KNDC1: variants seen among roughly 807,000 people sequenced by gnomAD.
KNDC1 encodes kinase non-catalytic C-lobe domain containing 1.
KNDC1 carries 106 observed loss-of-function variants against 172.8 expected under a neutral mutation model. That is an observed-to-expected ratio of 0.61 (90% CI 0.52 to 0.72). The LOEUF is 0.72. Ranked by LOEUF, KNDC1 falls within the 30% of genes least tolerant of loss-of-function variation. The pLI, the probability that KNDC1 is intolerant of heterozygous loss-of-function variation, is 0.00. For missense variants in KNDC1, 2,325 were observed against 2,394.5 expected, an observed-to-expected ratio of 0.97 and a Z score of 0.61; for synonymous variants, 1,083 against 1,062.2, an observed-to-expected ratio of 1.02 and a Z score of -0.38.
At chr10:133,190,278 A>G (rs28530606) in intron 9 of KNDC1, among the ~76,000 whole-genome samples, 4 of 135,768 alleles carry the variant, frequency 2.9e-5, no homozygotes, top group African/African-American at 1.5e-4. Flanking sequence ...ACACCCTGCA[A>G]TAAGCACCCT....
intron 3 of KNDC1, chr10:133,179,447 TC>T (rs1853652354): frequency 6.6e-6 from 1 of 152,110 alleles, no homozygotes; most frequent in Non-Finnish European, 1.5e-5. Flanking sequence ...ACGAAGAGCC[TC>T]CCAGGGCTGA....
intron 3 of KNDC1, among the ~76,000 whole-genome samples, chr10:133,175,743 G>T (rs547348515): frequency 6.6e-6 from 1 of 151,330 alleles, no homozygotes; most frequent in Non-Finnish European, 1.5e-5. Flanking sequence ...TGAATGGACG[G>T]ATGAGTGTAT....
At chr10:133,188,125 G>C (rs149589019) in intron 6 of KNDC1, among the ~76,000 whole-genome samples, 1 of 152,142 alleles carries the variant, frequency 6.6e-6, no homozygotes. Context: ...CCCTGCGTCC[G>C]TCCGTGGATG....
chr10:133,164,530 T>C (rs1362594229), intron 1 of KNDC1, among the ~76,000 whole-genome samples: 1 of 152,122 alleles, frequency 6.6e-6, no homozygotes, highest in African/African-American at 2.4e-5. Context: ...GAGGCCGGCG[T>C]TGCTATTCAC....
chr10:133,200,688 G>A (rs924699417), intron 16 of KNDC1, among the ~76,000 whole-genome samples: 1 of 152,216 alleles, frequency 6.6e-6, no homozygotes, highest in African/African-American at 2.4e-5. Flanking sequence ...TCTCCTGGGG[G>A]TGCCCAGCCA....
At chr10:133,182,462 C>T (rs1292288367) in intron 3 of KNDC1, among the ~76,000 whole-genome samples, 1 of 145,358 alleles carries the variant, frequency 6.9e-6, no homozygotes, top group Non-Finnish European at 1.5e-5. Context: ...TGGCTCCACA[C>T]ATGAGCTGTG....
At position 133,195,691 on chromosome 10, in the gene KNDC1, T is replaced by C; in HGVS notation, c.1604T>C (p.Leu535Pro). The C allele has an allele frequency of 6.2e-7, 1 of 1,612,432 alleles. No homozygotes were observed. ...KASVYCVAAV[L>P]WTAAKFSVPR... ...TCTGTGTACTGTGTGGCCGCCGTTC[T>C]GTGGACCGCAGCCAAGTTCAGCGTC... Residue 535 changes from leucine to proline, a missense_variant, in exon 10 of 30, where the codon CTG becomes CCG. Leu to Pro is a moderately conservative substitution (Grantham distance 98). Transcript: ENST00000304613.
intron 17 of KNDC1, chr10:133,202,854 C>G: frequency 5.9e-6 from 2 of 341,548 alleles, no homozygotes; most frequent in South Asian, 4.3e-5. Context: ...TCGGACACCC[C>G]ACACAGGGCC....
intron 25 of KNDC1, 94 bp from the exon 26 acceptor site, chr10:133,213,878 C>G: frequency 6.5e-7 from 1 of 1,540,788 alleles, no homozygotes; most frequent in Non-Finnish European, 8.9e-7. Context: ...GGCCTCGTGG[C>G]CCGACCCCAG....
chr10:133,220,020 G>A lies in KNDC1; in HGVS notation c.4926G>A (p.Leu1642=). The change falls in exon 29 of 30, where the codon CTG becomes CTA. Residue 1642 remains leucine (L), a synonymous_variant. Coordinates refer to ENST00000304613, the MANE Select transcript of KNDC1 (RefSeq NM_152643.8). ...GGCGCTTCCGGGCGCAGCCCACCCT[G>A]CCCTCGGCCCACCTCCTGGCCATGC... ...EGRRFRAQPT[L]PSAHLLAMHI... 3.2e-6 allele frequency: 5 copies of A among 1,554,830 alleles called. No individual in the cohort carries two copies. The highest frequency in any genetic ancestry group is 4.4e-6 in the Non-Finnish European group (5 of 1,149,086).
At chr10:133,195,365 G>A (rs1163544639) in intron 9 of KNDC1, among the ~76,000 whole-genome samples, 1 of 152,232 alleles carries the variant, frequency 6.6e-6, no homozygotes, top group Non-Finnish European at 1.5e-5. Flanking sequence ...TCGAGCTGCT[G>A]CCTTCGTGAG....
rs762570197 is a variant in KNDC1 at position 133,211,761 on chromosome 10, G to A, written c.4139G>A (p.Arg1380His). Residue 1380 changes from arginine (R) to histidine (H), a missense_variant, in exon 23 of 30, where the codon CGC becomes CAC. Transcript: ENST00000304613. ...GMDRRAEGNP[R>H]GTDLENPREA... ...GACCGGCGGGCCGAGGGCAACCCTC[G>A]CGGCACAGACCTGGAGAACCCCAGG... 23 of 1,610,378 alleles carry A rather than the reference G, an allele frequency of 1.4e-5. No homozygotes were observed. Among genetic ancestry groups the A allele is most frequent in the East Asian group, 4.5e-5 (2 of 44,874 alleles).
At chr10:133,222,226 T>C (rs113473108) in intron 29 of KNDC1, among the ~76,000 whole-genome samples, 1,849 of 143,472 alleles carry the variant, frequency 0.013, 51 homozygotes, top group African/African-American at 0.045. Context: ...GAGCTTCCAG[T>C]GAGCCGAGAT....
chr10:133,218,968 G>A lies in KNDC1; in HGVS notation c.4800+15G>A. On this transcript the variant is annotated intron_variant, in intron 27 of 29. Transcript: ENST00000304613. ...GGCAGTCCCCTGTGCGTCCCCCTCG[G>A]GCCCCAAGGCGGGGGTGGGTACCCG... is the stretch of plus-strand genomic sequence containing the variant. 1 of 1,613,710 alleles carries A rather than the reference G, an allele frequency of 6.2e-7. No individual in the cohort carries two copies. Among genetic ancestry groups the A allele is most frequent in the Non-Finnish European group, 8.5e-7 (1 of 1,179,872 alleles).
Position 133,224,898 on chromosome 10 carries a change from C to T in KNDC1, c.*8C>T, listed in dbSNP as rs1845690096. 5.6e-6 allele frequency: 9 copies of T among 1,604,188 alleles called. No individual in the cohort carries two copies. The East Asian group carries it at 1.8e-4, about 32-fold the overall frequency. On this transcript the variant is annotated 3_prime_UTR_variant, in exon 30 of 30. Coordinates refer to ENST00000304613, the MANE Select transcript of KNDC1 (RefSeq NM_152643.8). This position sits in a 1 kb window ranked among gnomAD's most constrained non-coding sequence, Gnocchi z 5.4. ...AAGGCTACATTCCAGTAGCCGAGCT[C>T]GGGCCTGGTGTGGAATTCCAGATCC... is the stretch of plus-strand genomic sequence containing the variant.
chr10:133,212,082 ACAATCCACACGTGCACATGCGTGCACACT>A (rs1348455893), intron 23 of KNDC1, among the ~76,000 whole-genome samples: 4 of 151,688 alleles, frequency 2.6e-5, no homozygotes, highest in Admixed American at 1.3e-4. Context: ...GCACCTTCAC[ACAATCCACACGTGCACATGCGTGCACACT>A]CAATCCACAC....
chr10:133,186,695 T>G, intron 6 of KNDC1, 21 bp downstream of exon 6: 2 of 1,545,928 alleles, frequency 1.3e-6, no homozygotes, highest in Non-Finnish European at 1.7e-6. Flanking sequence ...GGGTCTTGTG[T>G]GTGGGTGGAG....
chr10:133,218,849 T>G lies in KNDC1; in HGVS notation c.4696T>G (p.Ser1566Ala). The G allele has an allele frequency of 6.2e-7, 1 of 1,612,026 alleles. No homozygotes were observed. The highest frequency in any genetic ancestry group is 8.5e-7 in the Non-Finnish European group (1 of 1,178,268). Residue 1566 changes from serine to alanine, a missense_variant, in exon 27 of 30, where the codon TCC becomes GCC. Ser to Ala is a moderately conservative substitution (Grantham distance 99, BLOSUM62 1). Coordinates refer to ENST00000304613, the MANE Select transcript of KNDC1 (RefSeq NM_152643.8). Reference sequence around the variant, plus strand: ...ATTGCAGCTGCAGGTGAACTTGCTGTCCAAATTTTTGCTGATTGCAAAATC... The same window carrying G: ...ATTGCAGCTGCAGGTGAACTTGCTGGCCAAATTTTTGCTGATTGCAAAATC... ...HTSKLQVNLL[S>A]KFLLIAKSCY... is the part of the protein sequence containing the mutation.
rs771446970 is a variant in KNDC1 at position 133,186,516 on chromosome 10, C to T, written c.1168C>T (p.Pro390Ser). The T allele has an allele frequency of 4.3e-6, 7 of 1,612,060 alleles. No homozygotes were observed. In the Admixed American group the frequency reaches 1.2e-4, roughly 27 times the overall value. Residue 390 changes from proline to serine, a missense_variant, in exon 6 of 30, where the codon CCC becomes TCC. Transcript: ENST00000304613. ...CAGCACGGACAGGGGCCCTGGGGTG[C>T]CCGGCAGTCCAGGACAGCCCGAGAC... is the stretch of plus-strand genomic sequence containing the variant. ...GRSTDRGPGV[P>S]GSPGQPETSH...
Sources: gnomAD v4.1 joint callset for allele counts (sites outside exome capture counted in the v4.1 genomes callset) on GRCh38, gnomAD v4.1.1 for gene constraint, Gnocchi (gnomAD v3.1) non-coding constraint, MANE v1.5 for transcripts, NCBI Gene and HGNC (gene_info 2026-07-23, HGNC 2026-07-21) for gene names.